Variants in CUL5 observed in about 807,000 individuals in gnomAD.
CUL5 encodes the protein cullin 5, also known as cullin-5.
In CUL5, 26 loss-of-function variants were observed where a neutral mutation model predicts 108.8. The ratio of observed to expected loss-of-function variants is 0.24; its 90% confidence interval spans 0.18 to 0.33. The LOEUF is 0.33. CUL5 is among the 10% of genes least tolerant of loss of function. The pLI, the probability that CUL5 is intolerant of heterozygous loss-of-function variation, is 1.00. For synonymous variants in CUL5, 334 were observed against 298.0 expected, an observed-to-expected ratio of 1.12 and a Z score of -1.25; for missense variants, 524 against 909.2, an observed-to-expected ratio of 0.58 and a Z score of 5.45.
chr11:108,048,697 C>A (rs1410869453), intron 3 of CUL5, among the ~76,000 whole-genome samples: 2 of 109,108 alleles, frequency 1.8e-5, no homozygotes, highest in Admixed American at 2.0e-4. Flanking sequence ...GGTGGATTCT[C>A]ACTTTGTCGC....
intron 15 of CUL5, among the ~76,000 whole-genome samples, chr11:108,095,296 C>T (rs1243624357): frequency 6.6e-6 from 1 of 152,134 alleles, no homozygotes; most frequent in East Asian, 1.9e-4. Flanking sequence ...TTTCCTCTGT[C>T]ATTTTCCATT....
Position 108,089,733 on chromosome 11 carries a change from T to C in CUL5, c.1443+110T>C, listed in dbSNP as rs975145931. ...GTTAATGTCAAAGAAGTAGGAAACA[T>C]TTTATAAGAATATAGCGTCAGTTAG... On this transcript the variant is annotated intron_variant, in intron 13 of 18. Coordinates refer to ENST00000393094, the MANE Select transcript of CUL5 (RefSeq NM_003478.6). 13 of 641,464 alleles carry C rather than the reference T, an allele frequency of 2.0e-5. No individual in the cohort carries two copies. The African/African-American group carries it at 2.1e-4, about 10-fold the overall frequency. The allele number at this position is 641,464 out of a possible 1,614,324, so 39.7% of individuals were successfully genotyped here.
At chr11:108,091,739 T>G (rs2135231640) in intron 13 of CUL5, among the ~76,000 whole-genome samples, 1 of 95,970 alleles carries the variant, frequency 1.0e-5, no homozygotes, top group Admixed American at 9.4e-5. Context: ...ACACGACAAA[T>G]AATTAAAAGC....
At chr11:108,058,131 C>T (rs1863437477) in intron 7 of CUL5, among the ~76,000 whole-genome samples, 1 of 144,804 alleles carries the variant, frequency 6.9e-6, no homozygotes, top group Non-Finnish European at 1.5e-5. Context: ...ATCTCTTGAA[C>T]CTGGGAGGCA....
In CUL5 at chr11:108,105,432, G is replaced by A. The variant is rs1864771430; in HGVS notation, c.*1048G>A. The A allele has an allele frequency of 6.6e-6, 1 of 152,126 alleles. No individual in the cohort carries two copies. The highest frequency in any genetic ancestry group is 2.4e-5 in the African/African-American group (1 of 41,304). The allele number at this position is 152,126 out of a possible 1,614,324, so 9.4% of individuals were successfully genotyped here. A position where few individuals can be genotyped will look rare whatever the true frequency, so the allele number is the denominator to read the frequency against. ...CTCAGGTTTGAATCAGTCACCTAGG[G>A]GTAAGAGAAAAACCACAACATAAGA... On this transcript the variant is annotated 3_prime_UTR_variant, in exon 19 of 19. Transcript: ENST00000393094.
chr11:108,040,562 C>T (rs1347982245), intron 2 of CUL5, among the ~76,000 whole-genome samples: 1 of 140,086 alleles, frequency 7.1e-6, no homozygotes, highest in East Asian at 2.0e-4. Context: ...CAGTGAGCCA[C>T]GATTGTGCCA....
At chr11:108,074,706 T>A (rs1437612308) in intron 10 of CUL5, among the ~76,000 whole-genome samples, 1 of 152,068 alleles carries the variant, frequency 6.6e-6, no homozygotes, top group Non-Finnish European at 1.5e-5. Flanking sequence ...CTTAGGAGAC[T>A]GAGGCAGGAG....
At chr11:108,064,142 G>A (rs541467830) in intron 7 of CUL5, among the ~76,000 whole-genome samples, 1 of 152,240 alleles carries the variant, frequency 6.6e-6, no homozygotes, top group Non-Finnish European at 1.5e-5. Flanking sequence ...TCTCCATTCA[G>A]TATGATACTA....
intron 2 of CUL5, among the ~76,000 whole-genome samples, chr11:108,042,088 T>C (rs1862933468): frequency 6.6e-6 from 1 of 152,164 alleles, no homozygotes; most frequent in Non-Finnish European, 1.5e-5. Context: ...TGTGATTGAA[T>C]ATAAGGGATA....
chr11:108,046,006 A>T (rs1863058276), intron 2 of CUL5, among the ~76,000 whole-genome samples: 1 of 152,240 alleles, frequency 6.6e-6, no homozygotes, highest in African/African-American at 2.4e-5. Flanking sequence ...TGACATTGGG[A>T]GATGGAGACA....
chr11:108,039,531 A>C (rs1408346797), intron 2 of CUL5, among the ~76,000 whole-genome samples: 2 of 152,234 alleles, frequency 1.3e-5, no homozygotes, highest in Non-Finnish European at 2.9e-5. Flanking sequence ...ATTCAGTGGC[A>C]TTAATTATAT....
chr11:108,084,793 CTAAAA>C (rs1864181918), intron 11 of CUL5: 1 of 152,060 alleles, frequency 6.6e-6, no homozygotes, highest in Non-Finnish European at 1.5e-5. Flanking sequence ...AGTAGGATGA[CTAAAA>C]TAAAAAGGAC....
chr11:108,075,073 A>G (rs1449523430), intron 10 of CUL5, among the ~76,000 whole-genome samples: 1 of 152,204 alleles, frequency 6.6e-6, no homozygotes, highest in Non-Finnish European at 1.5e-5. Flanking sequence ...TGTAAAAAAT[A>G]TACTGAAGGG....
At chr11:108,057,996 G>C (rs555023153) in intron 7 of CUL5, among the ~76,000 whole-genome samples, 2 of 151,984 alleles carry the variant, frequency 1.3e-5, no homozygotes, top group Non-Finnish European at 2.9e-5. Context: ...AGATCATGTG[G>C]TCAGGAGTTC....
In CUL5 at chr11:108,073,473, A is replaced by C. The variant is rs751087513; in HGVS notation, c.1089A>C (p.Pro363=). 18 of 1,574,474 alleles carry C rather than the reference A, an allele frequency of 1.1e-5. No homozygotes were observed. The Admixed American group carries it at 1.6e-4, about 14-fold the overall frequency. ...KLVKEAFQDD[P]RFLTARDKAY... is the part of the protein sequence containing the mutation. ...TCAAAGAAGCTTTTCAAGATGATCC[A>C]CGATTTCTTACTGCAAGAGATAAGG... Residue 363 remains proline (P), a synonymous_variant, in exon 10 of 19, where the codon CCA becomes CCC. Transcript: ENST00000393094.
At chr11:108,035,691 G>A (rs1317246907) in intron 2 of CUL5, among the ~76,000 whole-genome samples, 2 of 151,866 alleles carry the variant, frequency 1.3e-5, no homozygotes, top group Non-Finnish European at 2.9e-5. Context: ...CTGCATTGAG[G>A]CTGCAGCAAG....
chr11:108,091,056 T>C (rs1001623105), intron 13 of CUL5, among the ~76,000 whole-genome samples: 15 of 152,080 alleles, frequency 9.9e-5, no homozygotes, highest in African/African-American at 3.4e-4. Context: ...TTCTTTCTTT[T>C]TTTCTTTTTT....
At chr11:108,089,712 A>T (rs1864304961) in intron 13 of CUL5, 89 bp downstream of exon 13, 1 of 735,602 alleles carries the variant, frequency 1.4e-6, no homozygotes, top group Admixed American at 3.7e-5. Context: ...GATATTGTTA[A>T]TGTCAAAGAA....
At chr11:108,022,734 C>T (rs1163212846) in intron 1 of CUL5, among the ~76,000 whole-genome samples, 10 of 152,142 alleles carry the variant, frequency 6.6e-5, no homozygotes, top group Non-Finnish European at 1.3e-4. Flanking sequence ...GAAGCCTTAG[C>T]TGTGTGCTTT....
Sources: gnomAD v4.1 joint callset for allele counts (sites outside exome capture counted in the v4.1 genomes callset) on GRCh38, gnomAD v4.1.1 for gene constraint, MANE v1.5 for transcripts, NCBI Gene and HGNC (gene_info 2026-07-23, HGNC 2026-07-21) for gene names.